Variants in NUP88 observed in about 807,000 individuals in gnomAD.
NUP88 encodes the protein nucleoporin 88, also known as nuclear pore complex protein Nup88.
Under a neutral mutation model 93.9 loss-of-function variants are expected in NUP88, and 57 were observed. That is an observed-to-expected ratio of 0.61 (90% CI 0.49 to 0.76). The LOEUF is 0.76. Among genes scored for constraint, NUP88 ranks in the 30% least tolerant of loss-of-function variants. The pLI, the probability that NUP88 is intolerant of heterozygous loss-of-function variation, is 0.00. For missense variants in NUP88, 911 were observed against 901.0 expected (o/e 1.01, Z -0.14); for synonymous variants, 346 against 336.8 (o/e 1.03, Z -0.30).
At chr17:5,408,271 C>A (rs146746197) in intron 5 of NUP88, among the ~76,000 whole-genome samples, 47 of 152,348 alleles carry the variant, frequency 3.1e-4, no homozygotes, top group Middle Eastern at 3.4e-3. Context: ...CACTCCTTCT[C>A]TACGAAAATT....
chr17:5,391,492 G>A lies in NUP88; in HGVS notation c.1484+69C>T. On this transcript the variant is annotated intron_variant, in intron 10 of 16. Coordinates refer to ENST00000573584, the MANE Select transcript of NUP88 (RefSeq NM_002532.6). ...TGTATAGCTTCAAGTTGGTTACTGA[G>A]TGCATTTTCCCAACTTAGATATTGC... The A allele has an allele frequency of 2.4e-6, 3 of 1,268,714 alleles. No homozygotes were observed. In the Admixed American group the frequency reaches 5.2e-5, roughly 22 times the overall value. 78.6% of individuals were successfully genotyped at this position (1,268,714 alleles called of 1,614,324 possible).
chr17:5,414,279 T>C, intron 2 of NUP88, 145 bp from the exon 3 acceptor site: 1 of 594,108 alleles, frequency 1.7e-6, no homozygotes, highest in East Asian at 3.4e-5. Context: ...CACTGCAACC[T>C]CCGCCTCCCA....
chr17:5,398,377 C>T (rs1255084988), intron 8 of NUP88, among the ~76,000 whole-genome samples: 5 of 150,690 alleles, frequency 3.3e-5, no homozygotes, highest in Non-Finnish European at 7.4e-5. Context: ...GCAACTCCGC[C>T]TCCTGGGTTC....
chr17:5,391,651 G>A lies in NUP88; in HGVS notation c.1394C>T (p.Pro465Leu), dbSNP rs753500586. Reference protein sequence around the residue: ...TKPLPCRQPAPIRGFWIVPDI... With the variant: ...TKPLPCRQPALIRGFWIVPDI... ...AGGTACAATCCAAAATCCTCGAATT[G>A]GAGCTGGCTGCCTGGAAAAACACAG... The change falls in exon 10 of 17, where the codon CCA (proline) becomes CTA (leucine). Residue 465 changes from proline to leucine, a missense_variant. By Grantham distance (98) the Pro-to-Leu change is moderately conservative. Transcript: ENST00000573584. The A allele has an allele frequency of 1.2e-5, 20 of 1,613,630 alleles. No individual in the cohort carries two copies. The highest frequency in any genetic ancestry group is 1.7e-5 in the Non-Finnish European group (20 of 1,179,720).
chr17:5,406,356 G>A (rs1395947810), intron 5 of NUP88, among the ~76,000 whole-genome samples: 1 of 152,180 alleles, frequency 6.6e-6, no homozygotes, highest in Non-Finnish European at 1.5e-5. Flanking sequence ...ATGATGGGAG[G>A]CAAAGTACAA....
At chr17:5,404,276 T>C (rs1913353231) in intron 6 of NUP88, 30 bp from the exon 7 acceptor site, 3 of 1,608,620 alleles carry the variant, frequency 1.9e-6, no homozygotes, top group African/African-American at 2.7e-5. Context: ...AATTTTGATC[T>C]TGCATGTTAA....
chr17:5,404,091 G>A lies in NUP88; in HGVS notation c.1192+8C>T, dbSNP rs562130045. The A allele has an allele frequency of 2.5e-6, 4 of 1,613,202 alleles. No homozygotes were observed. The East Asian group carries it at 8.9e-5, about 36-fold the overall frequency. ...GGAAAAAAGCACTACATTTATTGAAGAGCTTACCTCTATGAAGTTTGACTG... is the reference window on the plus strand; with the variant it reads ...GGAAAAAAGCACTACATTTATTGAAAAGCTTACCTCTATGAAGTTTGACTG... On this transcript the variant is annotated splice_region_variant and intron_variant, in intron 7 of 16. Coordinates refer to ENST00000573584, the MANE Select transcript of NUP88 (RefSeq NM_002532.6).
chr17:5,394,917 G>A lies in NUP88; in HGVS notation c.1356C>T (p.Ile452=), dbSNP rs574618342. The A allele has an allele frequency of 5.0e-6, 8 of 1,613,320 alleles. No homozygotes were observed. The African/African-American group carries it at 1.1e-4, about 22-fold the overall frequency. ...TGCAGGGCAATGGCTTCGTACAAAG[G>A]ATGTGTTCAACAAAGCATTTCTGTT... ...STEQKCFVEH[I]LCTKPLPCRQ... Residue 452 remains isoleucine, a synonymous_variant, in exon 9 of 17, where the codon ATC becomes ATT. Transcript: ENST00000573584.
intron 2 of NUP88, among the ~76,000 whole-genome samples, chr17:5,416,160 A>T (rs1230568232): frequency 0.14 from 10,691 of 76,380 alleles, 661 homozygotes; most frequent in East Asian, 0.48. Context: ...AAAAAAAAAA[A>T]AAAAAAGTAT....
chr17:5,418,850 A>C (rs1444446938), intron 1 of NUP88, among the ~76,000 whole-genome samples: 1 of 152,214 alleles, frequency 6.6e-6, no homozygotes, highest in Non-Finnish European at 1.5e-5. Context: ...CTAATCAAAA[A>C]CAAAAATCCC....
At chr17:5,407,403 A>C (rs1394499010) in intron 5 of NUP88, among the ~76,000 whole-genome samples, 3 of 152,208 alleles carry the variant, frequency 2.0e-5, no homozygotes, top group African/African-American at 7.2e-5. Flanking sequence ...CCCTTCTGGT[A>C]GTTAAGGAAC....
At chr17:5,411,831 C>T (rs1005305804) in intron 3 of NUP88, among the ~76,000 whole-genome samples, 2 of 152,026 alleles carry the variant, frequency 1.3e-5, no homozygotes, top group African/African-American at 4.8e-5. Context: ...TGGTTTCTTC[C>T]AATATCAATA....
intron 11 of NUP88, 154 bp from the exon 12 acceptor site, chr17:5,388,058 T>C (rs959432891): frequency 5.3e-5 from 35 of 659,608 alleles, no homozygotes; most frequent in Non-Finnish European, 7.3e-5. Flanking sequence ...TGGAGTGCAT[T>C]GGTGCTATCT....
At position 5,405,174 on chromosome 17, in the gene NUP88, A is replaced by C; in HGVS notation, c.927T>G (p.Tyr309Ter). Residue 309 changes from tyrosine (Y) to a stop codon, truncating the protein, a stop_gained, in exon 6 of 17, where the codon TAT becomes TAG. Coordinates refer to ENST00000573584, the MANE Select transcript of NUP88 (RefSeq NM_002532.6). LOFTEE classifies it high-confidence loss of function. ...MHPAAEDNYG[Y>*]DACAVLCLPC... ...GTAAGCAGAGTACAGCACACGCATC[A>C]TAACCATAGTTATCTTCAGCCGCAG... 6.2e-7 allele frequency: 1 copy of C among 1,614,242 alleles called. No homozygotes were observed. The highest frequency in any genetic ancestry group is 1.3e-5 in the African/African-American group (1 of 75,062).
chr17:5,408,640 A>G (rs1913637708), intron 5 of NUP88, 93 bp downstream of exon 5: 15 of 932,742 alleles, frequency 1.6e-5, no homozygotes, highest in Non-Finnish European at 2.2e-5. Flanking sequence ...ATTTCCACAG[A>G]CTCAAAAACA....
At chr17:5,410,445 T>C (rs1255937103) in intron 4 of NUP88, among the ~76,000 whole-genome samples, 1 of 149,666 alleles carries the variant, frequency 6.7e-6, no homozygotes, top group Non-Finnish European at 1.5e-5. Flanking sequence ...AGAAAGGTGA[T>C]AAAGAAATGA....
intron 10 of NUP88, among the ~76,000 whole-genome samples, chr17:5,389,223 A>G (rs1263601599): frequency 6.6e-6 from 1 of 152,158 alleles, no homozygotes; most frequent in African/African-American, 2.4e-5. Context: ...ACAAACACCT[A>G]GCATGGATTC....
intron 2 of NUP88, among the ~76,000 whole-genome samples, chr17:5,414,560 T>C (rs868857593): frequency 9.9e-5 from 15 of 152,234 alleles, no homozygotes; most frequent in Admixed American, 2.6e-4. Flanking sequence ...CCTGAAATCA[T>C]GCTGAGAGGA....
At chr17:5,389,323 T>C (rs1912258727) in intron 10 of NUP88, among the ~76,000 whole-genome samples, 2 of 152,234 alleles carry the variant, frequency 1.3e-5, no homozygotes, top group African/African-American at 4.8e-5. Context: ...AAAACCAATA[T>C]TAAGCCAAGA....
Sources: allele counts gnomAD v4.1 joint callset (sites outside exome capture counted in the v4.1 genomes callset), GRCh38; gene constraint gnomAD v4.1.1; transcripts MANE v1.5; gene names NCBI Gene and HGNC (gene_info 2026-07-23, HGNC 2026-07-21).